The following NGEF variants were observed in gnomAD, a reference collection of about 807,000 sequenced individuals.
NGEF encodes the protein ephexin-1.
A neutral mutation model predicts 80.9 loss-of-function variants in NGEF; 31 were observed. That is an observed-to-expected ratio of 0.38 (90% CI 0.29 to 0.52). The LOEUF is 0.52. NGEF is among the 20% of genes least tolerant of loss of function. The pLI, the probability that NGEF is intolerant of heterozygous loss-of-function variation, is 0.84. For missense variants in NGEF, 709 were observed against 926.2 expected (o/e 0.77, Z 3.04); for synonymous variants, 371 against 370.2 (o/e 1.00, Z -0.03).
chr2:233,000,006 G>T (rs1156625536), intron 1 of NGEF, among the ~76,000 whole-genome samples: 1 of 152,222 alleles, frequency 6.6e-6, no homozygotes, highest in African/African-American at 2.4e-5. Context: ...GTAAAGAACA[G>T]AAATGTATTT....
chr2:232,991,211 A>G (rs1426849133), intron 1 of NGEF, among the ~76,000 whole-genome samples: 1 of 152,136 alleles, frequency 6.6e-6, no homozygotes, highest in Non-Finnish European at 1.5e-5. Context: ...TACTGTTCAA[A>G]ATTATAATGG....
intron 4 of NGEF, among the ~76,000 whole-genome samples, chr2:232,924,713 T>G (rs1693022950): frequency 6.6e-6 from 1 of 152,238 alleles, no homozygotes; most frequent in East Asian, 1.9e-4. Flanking sequence ...TGGAACTTCC[T>G]ACCTTTGGAC....
In NGEF at chr2:232,962,756, A is replaced by G. The variant is rs1559226184; in HGVS notation, c.383+7458T>C. 2.6e-5 allele frequency among the ~76,000 whole-genome samples: 4 copies of G among 152,068 alleles called. No individual in the cohort carries two copies. In the South Asian group the frequency reaches 8.3e-4, roughly 31 times the overall value. The stretch of plus-strand genomic sequence containing the variant: ...ACATTTACATTAAAAACTACAAATC[A>G]TTGCTGAATTAATTTAAAGAATATC... On this transcript the variant is annotated intron_variant, in intron 3 of 14. Transcript: ENST00000264051.
At chr2:232,890,909 G>T (rs550673549) in intron 8 of NGEF, 1 of 471,344 alleles carries the variant, frequency 2.1e-6, no homozygotes. Flanking sequence ...TCCCGAGATC[G>T]CTGCTGGCCT....
chr2:232,972,274 G>A (rs570769932), intron 2 of NGEF, among the ~76,000 whole-genome samples: 2 of 151,952 alleles, frequency 1.3e-5, no homozygotes, highest in Non-Finnish European at 2.9e-5. Context: ...AAGACTTCAT[G>A]CAAAAAAAAG....
At chr2:232,884,793 C>G (rs1691622403) in intron 10 of NGEF, 1 of 157,722 alleles carries the variant, frequency 6.3e-6, no homozygotes, top group Non-Finnish European at 1.4e-5. Flanking sequence ...AGCCTGGCCT[C>G]AGGGACCGTC....
chr2:232,962,077 T>C (rs2344968), intron 3 of NGEF, among the ~76,000 whole-genome samples: 68,306 of 152,126 alleles, frequency 0.45, 16,407 homozygotes, highest in Non-Finnish European at 0.53. Flanking sequence ...ATCCCTCTTT[T>C]ACTTGAGCAA....
intron 1 of NGEF, among the ~76,000 whole-genome samples, chr2:232,994,302 G>A (rs963295749): frequency 2.0e-5 from 3 of 151,302 alleles, no homozygotes; most frequent in African/African-American, 4.9e-5. Flanking sequence ...CCCGGGAGGC[G>A]GAGGTTGCAG....
chr2:232,968,913 G>T (rs922683316), intron 3 of NGEF, among the ~76,000 whole-genome samples: 1 of 152,224 alleles, frequency 6.6e-6, no homozygotes, highest in African/African-American at 2.4e-5. Flanking sequence ...TGGCTGTGAT[G>T]GCTGGAGCTT....
At chr2:232,999,910 T>C (rs543998234) in intron 1 of NGEF, among the ~76,000 whole-genome samples, 14 of 152,364 alleles carry the variant, frequency 9.2e-5, no homozygotes, top group Non-Finnish European at 1.8e-4. Context: ...GGGAGATTTA[T>C]AAAAAGGTCG....
chr2:232,900,967 G>A (rs1370742887), intron 5 of NGEF, among the ~76,000 whole-genome samples: 2 of 152,204 alleles, frequency 1.3e-5, no homozygotes, highest in African/African-American at 2.4e-5. Context: ...GCCAGGTCCC[G>A]GAGTTAGGGC....
rs970673222 is a variant in NGEF at position 232,894,935 on chromosome 2, A to C, written c.829-19T>G. 4 of 1,554,930 alleles carry C rather than the reference A, an allele frequency of 2.6e-6. No homozygotes were observed. In the African/African-American group the frequency reaches 4.0e-5, roughly 16 times the overall value. On this transcript the variant is annotated intron_variant, in intron 5 of 14. Transcript: ENST00000264051. ...ACATGGCCTGTAGCAGGGAGACCCC[A>C]TGGTTACCGCCTGAAGTTGGCCTTC... is the stretch of plus-strand genomic sequence containing the variant.
intron 3 of NGEF, among the ~76,000 whole-genome samples, chr2:232,954,446 C>T (rs941129870): frequency 6.6e-6 from 1 of 152,060 alleles, no homozygotes; most frequent in Non-Finnish European, 1.5e-5. Context: ...GGAGTTCCAG[C>T]CGGGCGCAGT....
At chr2:232,905,716 C>T (rs772763164) in intron 5 of NGEF, 2 of 400,906 alleles carry the variant, frequency 5.0e-6, no homozygotes, top group South Asian at 3.4e-5. Context: ...CGCCCGGCCG[C>T]CCATCGTCTG....
rs770166270 is a variant in NGEF, at chr2:232,920,276, C to A, written c.828+8G>T. On this transcript the variant is annotated splice_region_variant and intron_variant, in intron 5 of 14. Transcript: ENST00000264051. ...GTGGGGGAGCCCCCGCCCCTCGGCG[C>A]CTGTTACCTCCTGCAGCTTAATCTC... 4.4e-6 allele frequency: 7 copies of A among 1,609,020 alleles called. No individual in the cohort carries two copies. In the African/African-American group the frequency reaches 9.4e-5, roughly 21 times the overall value.
intron 5 of NGEF, 79 bp from the exon 6 acceptor site, chr2:232,894,995 C>A: frequency 1.4e-6 from 2 of 1,454,744 alleles, no homozygotes; most frequent in Admixed American, 1.8e-5. Context: ...GACAGAGGAG[C>A]AGAGGGAGGC....
intron 3 of NGEF, among the ~76,000 whole-genome samples, chr2:232,939,741 T>C (rs1027206262): frequency 1.3e-5 from 2 of 152,184 alleles, no homozygotes; most frequent in Non-Finnish European, 2.9e-5. Flanking sequence ...CTCATGCCTG[T>C]AATCCCAGCA....
chr2:232,958,297 G>T (rs1197212617), intron 3 of NGEF, among the ~76,000 whole-genome samples: 1 of 152,174 alleles, frequency 6.6e-6, no homozygotes, highest in African/African-American at 2.4e-5. Flanking sequence ...CTGTACTTCT[G>T]CTAGAGCTGC....
intron 5 of NGEF, among the ~76,000 whole-genome samples, chr2:232,906,617 C>CCT (rs1692556478): frequency 2.0e-5 from 1 of 50,782 alleles, no homozygotes; most frequent in African/African-American, 6.3e-5. Flanking sequence ...AGCCCCTCTG[C>CCT]CCGGCCACCC....
Sources: gnomAD v4.1 joint callset for allele counts (sites outside exome capture counted in the v4.1 genomes callset) on GRCh38, gnomAD v4.1.1 for gene constraint, MANE v1.5 for transcripts, NCBI Gene and HGNC (gene_info 2026-07-23, HGNC 2026-07-21) for gene names.